CHODL: variants seen among roughly 807,000 people sequenced by gnomAD.
CHODL encodes the protein chondrolectin, also known as transmembrane protein MT75.
A neutral mutation model predicts 34.5 loss-of-function variants in CHODL; 29 were observed. The ratio of observed to expected loss-of-function variants is 0.84; its 90% CI spans 0.63 to 1.15. The LOEUF is 1.15. Among genes scored for constraint, CHODL ranks in the 50% most tolerant of loss-of-function variants. The pLI is 0.00. For missense variants in CHODL, 332 were observed against 332.5 expected, an observed-to-expected ratio of 1.00 and a Z score of 0.01; for synonymous variants, 125 against 116.1, an observed-to-expected ratio of 1.08 and a Z score of -0.49.
intron 1 of CHODL, among the ~76,000 whole-genome samples, chr21:17,949,474 A>T (rs2063438618): frequency 6.6e-6 from 1 of 152,188 alleles, no homozygotes; most frequent in East Asian, 1.9e-4. Context: ...AAATTCAGTC[A>T]AAAGCTGTGT....
At chr21:18,262,965 T>C in intron 5 of CHODL, 72 bp downstream of exon 5, 2 of 820,068 alleles carry the variant, frequency 2.4e-6, no homozygotes, top group Non-Finnish European at 4.1e-6. Context: ...TTAAAACTAT[T>C]AGCATAAAGT....
At chr21:17,954,470 G>A (rs1236537137) in intron 1 of CHODL, among the ~76,000 whole-genome samples, 2 of 140,654 alleles carry the variant, frequency 1.4e-5, no homozygotes, top group East Asian at 4.2e-4. Context: ...GAGTAAAGAA[G>A]GTTGTCCTCT....
chr21:18,044,218 A>G (rs1392514297), intron 2 of CHODL, among the ~76,000 whole-genome samples: 1 of 152,028 alleles, frequency 6.6e-6, no homozygotes, highest in African/African-American at 2.4e-5. Context: ...TAAGAATGAA[A>G]TATATATGCA....
chr21:18,172,077 A>G (rs929833419), intron 2 of CHODL, among the ~76,000 whole-genome samples: 2 of 152,168 alleles, frequency 1.3e-5, no homozygotes, highest in African/African-American at 4.8e-5. Flanking sequence ...ACATATTTTC[A>G]TGACCATTTA....
At chr21:18,146,028 G>A (rs2072882694) in intron 2 of CHODL, among the ~76,000 whole-genome samples, 1 of 152,078 alleles carries the variant, frequency 6.6e-6, no homozygotes, top group Non-Finnish European at 1.5e-5. Flanking sequence ...GAGTGCAGTG[G>A]AGCAATCTCG....
chr21:17,939,249 C>T (rs1600987047), intron 1 of CHODL, among the ~76,000 whole-genome samples: 1 of 152,136 alleles, frequency 6.6e-6, no homozygotes, highest in South Asian at 2.1e-4. Flanking sequence ...CTCCTCCCCC[C>T]ACCTCAGTAA....
chr21:18,115,379 GCTTA>G (rs1436787014), intron 2 of CHODL, among the ~76,000 whole-genome samples: 1 of 152,152 alleles, frequency 6.6e-6, no homozygotes, highest in Non-Finnish European at 1.5e-5. Flanking sequence ...CTGCTAGCTT[GCTTA>G]CCAGGACTTG....
intron 1 of CHODL, among the ~76,000 whole-genome samples, chr21:18,014,815 ATG>A (rs2064056152): frequency 6.6e-6 from 1 of 152,220 alleles, no homozygotes. Context: ...CTGTAGAACT[ATG>A]TGCCAATTAA....
At chr21:18,232,501 G>T (rs1199043398) in intron 2 of CHODL, among the ~76,000 whole-genome samples, 4 of 152,028 alleles carry the variant, frequency 2.6e-5, no homozygotes, top group Non-Finnish European at 4.4e-5. Context: ...CTTTAACGAG[G>T]GCACTAATCC....
intron 2 of CHODL, among the ~76,000 whole-genome samples, chr21:18,200,461 C>T (rs1394951091): frequency 6.6e-6 from 1 of 152,066 alleles, no homozygotes; most frequent in African/African-American, 2.4e-5. Flanking sequence ...CTCTTTTTAT[C>T]CCGTTAGAAA....
Position 18,265,952 on chromosome 21 carries a change from A to G in CHODL, c.738-2A>G. ...CTAAACATTTTTTCTTATGTTTTTC[A>G]GTAAAGGAAGAACAAAAACTAGTCC... On this transcript the variant is annotated splice_acceptor_variant, in intron 5 of 5. Transcript: ENST00000299295. LOFTEE classifies it high-confidence loss of function. 6.2e-7 allele frequency: 1 copy of G among 1,606,734 alleles called. No homozygotes were observed. The highest frequency in any genetic ancestry group is 8.5e-7 in the Non-Finnish European group (1 of 1,177,696).
chr21:18,235,492 A>G (rs972669062), intron 2 of CHODL, among the ~76,000 whole-genome samples: 2 of 152,078 alleles, frequency 1.3e-5, no homozygotes, highest in Admixed American at 6.6e-5. Context: ...ACCCCAGTTA[A>G]CTCTTTGGAT....
intron 2 of CHODL, among the ~76,000 whole-genome samples, chr21:18,225,500 T>A (rs552412547): frequency 6.6e-6 from 1 of 152,294 alleles, no homozygotes; most frequent in South Asian, 2.1e-4. Context: ...CATATCCACC[T>A]TTTATATTGT....
intron 1 of CHODL, among the ~76,000 whole-genome samples, chr21:18,020,972 G>T (rs2064122664): frequency 6.6e-6 from 1 of 152,244 alleles, no homozygotes; most frequent in East Asian, 1.9e-4. Context: ...CAGAGAGCTT[G>T]CTTTCTCTTT....
At chr21:17,942,307 TG>T (rs1397305589) in intron 1 of CHODL, among the ~76,000 whole-genome samples, 2 of 152,118 alleles carry the variant, frequency 1.3e-5, no homozygotes, top group East Asian at 3.9e-4. Flanking sequence ...AGGGACCCAG[TG>T]GGAGGTAATT....
At chr21:18,128,405 C>T (rs2072608520) in intron 2 of CHODL, among the ~76,000 whole-genome samples, 1 of 146,516 alleles carries the variant, frequency 6.8e-6, no homozygotes, top group South Asian at 2.2e-4. Flanking sequence ...TTCCACAGCT[C>T]AACACTATAT....
chr21:18,226,002 T>C (rs2073927904), intron 2 of CHODL, among the ~76,000 whole-genome samples: 1 of 152,138 alleles, frequency 6.6e-6, no homozygotes, highest in African/African-American at 2.4e-5. Flanking sequence ...CCTGGAGGAA[T>C]GACCCTGTAA....
At chr21:18,244,721 C>A (rs886311712), upstream of CHODL, 4 of 153,268 alleles carry the variant, frequency 2.6e-5, no homozygotes, top group Non-Finnish European at 5.8e-5. Context: ...AGGGGAGGTG[C>A]TGGGATGCTC....
chr21:18,099,922 T>G (rs531481357), intron 2 of CHODL: 1 of 152,196 alleles, frequency 6.6e-6, no homozygotes, highest in African/African-American at 2.4e-5. Context: ...TTAGAAAGCA[T>G]TTTTACTTAC....
Sources: gnomAD v4.1 joint callset for allele counts (sites outside exome capture counted in the v4.1 genomes callset) on GRCh38, gnomAD v4.1.1 for gene constraint, MANE v1.5 for transcripts, NCBI Gene and HGNC (gene_info 2026-07-23, HGNC 2026-07-21) for gene names.